The following CELF4 variants were observed in gnomAD, a reference collection of about 807,000 sequenced individuals.
CELF4 encodes the protein CUGBP Elav-like family member 4.
In CELF4, 18 loss-of-function variants were observed where a neutral mutation model predicts 59.9. That is an observed-to-expected ratio of 0.30 (90% confidence interval 0.21 to 0.45). The LOEUF is 0.45. Among genes scored for constraint, CELF4 ranks in the 20% least tolerant of loss-of-function variants. The pLI is 1.00. For synonymous variants in CELF4, 261 were observed against 267.1 expected, an observed-to-expected ratio of 0.98 and a Z score of 0.22; for missense variants, 456 against 689.0, an observed-to-expected ratio of 0.66 and a Z score of 3.79.
At chr18:37,401,394 T>G (rs2099325177) in intron 2 of CELF4, among the ~76,000 whole-genome samples, 1 of 152,206 alleles carries the variant, frequency 6.6e-6, no homozygotes, top group Non-Finnish European at 1.5e-5. Flanking sequence ...CACTGCTTCA[T>G]GGAAGAGGCA....
intron 1 of CELF4, among the ~76,000 whole-genome samples, chr18:37,530,709 TG>T (rs1365681469): frequency 6.6e-6 from 1 of 152,150 alleles, no homozygotes; most frequent in African/African-American, 2.4e-5. Flanking sequence ...TTCCTCCTCC[TG>T]GTGGTGACCT....
chr18:37,383,517 C>T (rs2099065697), intron 2 of CELF4, among the ~76,000 whole-genome samples: 1 of 152,224 alleles, frequency 6.6e-6, no homozygotes. Context: ...CCTCAGCCAG[C>T]TGAAAACTCT....
At chr18:37,484,106 C>G (rs2099876093) in intron 2 of CELF4, among the ~76,000 whole-genome samples, 1 of 152,132 alleles carries the variant, frequency 6.6e-6, no homozygotes, top group Non-Finnish European at 1.5e-5. Flanking sequence ...AGCAATCTCT[C>G]TCAAGCTGAT....
chr18:37,348,779 A>G (rs1363772463), intron 2 of CELF4, among the ~76,000 whole-genome samples: 1 of 152,036 alleles, frequency 6.6e-6, no homozygotes, highest in Non-Finnish European at 1.5e-5. Context: ...CTTTTCTTCC[A>G]GGAGCTTTTA....
intron 3 of CELF4, among the ~76,000 whole-genome samples, chr18:37,297,738 G>C (rs1044596664): frequency 7.2e-5 from 11 of 152,248 alleles, no homozygotes; most frequent in Non-Finnish European, 5.9e-5. Flanking sequence ...CCAGTGCTCT[G>C]AACGTCTTTC....
intron 2 of CELF4, among the ~76,000 whole-genome samples, chr18:37,444,617 TACACACACACACACACACAC>T (rs61248144): frequency 2.7e-3 from 358 of 134,254 alleles, no homozygotes; most frequent in African/African-American, 1.0e-2. Flanking sequence ...CTAGCATGCA[TACACACACACACACACACAC>T]ACACACACAC....
intron 2 of CELF4, among the ~76,000 whole-genome samples, chr18:37,469,934 G>A (rs2099817147): frequency 1.3e-5 from 2 of 152,254 alleles, no homozygotes; most frequent in African/African-American, 2.4e-5. Flanking sequence ...AGCCCACCTC[G>A]CCACTTCATA....
chr18:37,296,247 C>A (rs923597739), intron 3 of CELF4, among the ~76,000 whole-genome samples: 8 of 152,344 alleles, frequency 5.3e-5, no homozygotes, highest in Middle Eastern at 3.4e-3. Context: ...CCTCTGCCTT[C>A]CAGGCTCAAG....
chr18:37,389,904 T>C (rs1047227694), intron 2 of CELF4, among the ~76,000 whole-genome samples: 5 of 152,190 alleles, frequency 3.3e-5, no homozygotes, highest in African/African-American at 1.2e-4. Flanking sequence ...TCAGGGACAC[T>C]GTCAGGAAGC....
chr18:37,342,266 C>CACACACAT (rs1557291629), intron 2 of CELF4, among the ~76,000 whole-genome samples: 2 of 151,550 alleles, frequency 1.3e-5, no homozygotes, highest in Non-Finnish European at 2.9e-5. Flanking sequence ...CACACACACA[C>CACACACAT]GCTGGGCACA....
At chr18:37,357,227 C>G (rs1026623635) in intron 2 of CELF4, among the ~76,000 whole-genome samples, 2 of 152,164 alleles carry the variant, frequency 1.3e-5, no homozygotes, top group African/African-American at 4.8e-5. Flanking sequence ...GTAGAGGGAA[C>G]AGCAAGCGAA....
At chr18:37,361,302 G>A (rs2098699034) in intron 2 of CELF4, among the ~76,000 whole-genome samples, 2 of 152,134 alleles carry the variant, frequency 1.3e-5, no homozygotes, top group Admixed American at 6.5e-5. Flanking sequence ...GATTAAAGTC[G>A]CTAAATGGGG....
At chr18:37,446,009 A>T (rs1439360271) in intron 2 of CELF4, among the ~76,000 whole-genome samples, 1 of 152,222 alleles carries the variant, frequency 6.6e-6, no homozygotes. Flanking sequence ...ACAGAGAATG[A>T]GAAGGAGGCT....
intron 1 of CELF4, among the ~76,000 whole-genome samples, chr18:37,555,502 T>C (rs903494989): frequency 6.6e-6 from 1 of 152,204 alleles, no homozygotes. Flanking sequence ...TCCCAAGATC[T>C]TCGCCTAGCT....
At chr18:37,556,996 TCCTTCAGTGGGCACC>T (rs1204160802) in intron 1 of CELF4, among the ~76,000 whole-genome samples, 6 of 152,092 alleles carry the variant, frequency 3.9e-5, no homozygotes, top group African/African-American at 1.4e-4. Flanking sequence ...GTGAGGACCA[TCCTTCAGTGGGCACC>T]AAGACTCCAC....
intron 2 of CELF4, among the ~76,000 whole-genome samples, chr18:37,414,451 C>T (rs2099509256): frequency 6.6e-6 from 1 of 151,690 alleles, no homozygotes; most frequent in Admixed American, 6.6e-5. Flanking sequence ...TCTACTCACC[C>T]ATTCTTCTAT....
intron 2 of CELF4, among the ~76,000 whole-genome samples, chr18:37,412,864 A>G (rs748422268): frequency 5.3e-5 from 8 of 151,762 alleles, no homozygotes; most frequent in Non-Finnish European, 5.9e-5. Flanking sequence ...CCCCGCGCCA[A>G]TGTGTGTGAG....
At chr18:37,311,517 T>G (rs1484554347) in intron 3 of CELF4, among the ~76,000 whole-genome samples, 1 of 152,188 alleles carries the variant, frequency 6.6e-6, no homozygotes, top group Non-Finnish European at 1.5e-5. Context: ...AGGGCTGGCC[T>G]GGTGGCTCAC....
At chr18:37,503,666 A>G (rs1355495433) in intron 1 of CELF4, among the ~76,000 whole-genome samples, 2 of 152,174 alleles carry the variant, frequency 1.3e-5, no homozygotes, top group African/African-American at 4.8e-5. Flanking sequence ...TTCTGCCACC[A>G]AGGTTTGATA....
Sources: allele counts gnomAD v4.1 joint callset (sites outside exome capture counted in the v4.1 genomes callset), GRCh38; gene constraint gnomAD v4.1.1; transcripts MANE v1.5; gene names NCBI Gene and HGNC (gene_info 2026-07-23, HGNC 2026-07-21).